The following HMGCLL1 variants were observed in gnomAD, a reference collection of about 807,000 sequenced individuals.
HMGCLL1 encodes 3-hydroxymethyl-3-methylglutaryl-CoA lyase, cytoplasmic.
In HMGCLL1, 36 loss-of-function variants were observed where a neutral mutation model predicts 39.1. The ratio of observed to expected loss-of-function variants is 0.92; its 90% CI spans 0.71 to 1.22. HMGCLL1 has a LOEUF of 1.22. Ranked by LOEUF, HMGCLL1 falls within the 50% of genes most tolerant of loss-of-function variation. The pLI is 0.00. For missense variants in HMGCLL1, 451 were observed against 416.5 expected (o/e 1.08, Z -0.72); for synonymous variants, 149 against 144.0 (o/e 1.03, Z -0.25).
chr6:55,558,219 CTTTA>C (rs1448813180), intron 1 of HMGCLL1, among the ~76,000 whole-genome samples: 3 of 152,136 alleles, frequency 2.0e-5, no homozygotes, highest in Non-Finnish European at 2.9e-5. Context: ...TTCTGTCAAA[CTTTA>C]TTTAACATAG....
the HMGCLL1 span, among the ~76,000 whole-genome samples, chr6:55,673,456 T>C: frequency 6.6e-6 from 1 of 151,870 alleles, no homozygotes; most frequent in Non-Finnish European, 1.5e-5. Flanking sequence ...TAAAGATAAC[T>C]GATGCAACAT....
the HMGCLL1 span, among the ~76,000 whole-genome samples, chr6:55,664,975 C>T: frequency 4.4e-4 from 67 of 151,744 alleles, no homozygotes; most frequent in Non-Finnish European, 7.5e-4. Flanking sequence ...TTCATGGTCT[C>T]TTTATGAACC....
the HMGCLL1 span, among the ~76,000 whole-genome samples, chr6:55,610,784 A>G: frequency 3.9e-5 from 6 of 152,212 alleles, no homozygotes; most frequent in African/African-American, 1.4e-4. Flanking sequence ...GCAGCCAAAG[A>G]GAAAGGCCTA....
chr6:55,632,133 C>T, the HMGCLL1 span, among the ~76,000 whole-genome samples: 1 of 152,066 alleles, frequency 6.6e-6, no homozygotes, highest in African/African-American at 2.4e-5. Context: ...CAGTGAAATG[C>T]TAACAACATT....
At chr6:55,582,313 C>G (rs1316870563), upstream of HMGCLL1, among the ~76,000 whole-genome samples, 1 of 152,124 alleles carries the variant, frequency 6.6e-6, no homozygotes, top group Non-Finnish European at 1.5e-5. Flanking sequence ...TGTAGGCAGC[C>G]AGCAAATGTT....
chr6:55,465,663 C>T (rs1030399180), intron 7 of HMGCLL1, among the ~76,000 whole-genome samples: 1 of 151,844 alleles, frequency 6.6e-6, no homozygotes, highest in Non-Finnish European at 1.5e-5. Flanking sequence ...TATTATAAGA[C>T]AGTGTTTAGT....
the HMGCLL1 span, among the ~76,000 whole-genome samples, chr6:55,603,450 T>C: frequency 2.0e-5 from 2 of 100,158 alleles, no homozygotes; most frequent in Non-Finnish European, 4.3e-5. Context: ...TATCTATTCA[T>C]ATCAGTTGTT....
the HMGCLL1 span, among the ~76,000 whole-genome samples, chr6:55,584,251 A>C: frequency 6.6e-6 from 1 of 152,104 alleles, no homozygotes; most frequent in East Asian, 1.9e-4. Context: ...TTGTTCCATA[A>C]TTTTCAATGT....
intron 1 of HMGCLL1, among the ~76,000 whole-genome samples, chr6:55,574,884 A>G (rs540563321): frequency 6.6e-6 from 1 of 152,148 alleles, no homozygotes; most frequent in Admixed American, 6.5e-5. Context: ...AACACAAAGG[A>G]TCAGAATCGA....
chr6:55,522,273 T>A (rs1338469683), intron 3 of HMGCLL1, among the ~76,000 whole-genome samples: 2 of 152,136 alleles, frequency 1.3e-5, no homozygotes, highest in East Asian at 3.9e-4. Context: ...CAAAAAGTTA[T>A]AGGGTGAAAT....
intron 7 of HMGCLL1, among the ~76,000 whole-genome samples, chr6:55,485,312 G>T (rs1581842536): frequency 6.6e-6 from 1 of 151,988 alleles, no homozygotes; most frequent in Admixed American, 6.6e-5. Context: ...AGGCGTGTGT[G>T]TGTGTGTTGG....
the HMGCLL1 span, among the ~76,000 whole-genome samples, chr6:55,666,225 A>C: frequency 4.0e-5 from 6 of 151,780 alleles, no homozygotes; most frequent in South Asian, 2.1e-4. Context: ...CCATGCAAAT[A>C]ATTTTATAAA....
chr6:55,607,653 C>T, the HMGCLL1 span, among the ~76,000 whole-genome samples: 1 of 152,172 alleles, frequency 6.6e-6, no homozygotes, highest in Admixed American at 6.5e-5. Flanking sequence ...ACCTAAAGCT[C>T]CGACTGGGGT....
the HMGCLL1 span, among the ~76,000 whole-genome samples, chr6:55,666,475 G>C: frequency 6.6e-6 from 1 of 151,240 alleles, no homozygotes; most frequent in East Asian, 1.9e-4. Context: ...CCCTTGCCAT[G>C]TCAAAGAAAA....
intron 1 of HMGCLL1, among the ~76,000 whole-genome samples, chr6:55,563,532 T>A (rs1261667421): frequency 6.6e-6 from 1 of 152,180 alleles, no homozygotes; most frequent in Non-Finnish European, 1.5e-5. Context: ...TTTTATAGTA[T>A]AATTCAGCCT....
At chr6:55,463,067 G>T (rs1420426857) in intron 7 of HMGCLL1, among the ~76,000 whole-genome samples, 2 of 137,976 alleles carry the variant, frequency 1.4e-5, no homozygotes, top group Non-Finnish European at 3.1e-5. Flanking sequence ...GTCTTGCTCT[G>T]TTGCCCAGGC....
At chr6:55,452,504 C>T (rs1054263071) in intron 7 of HMGCLL1, among the ~76,000 whole-genome samples, 3 of 152,138 alleles carry the variant, frequency 2.0e-5, no homozygotes, top group African/African-American at 7.2e-5. Context: ...TCAGTCCTTC[C>T]TGAGGTCCAG....
At chr6:55,622,515 A>G in the HMGCLL1 span, among the ~76,000 whole-genome samples, 2 of 152,008 alleles carry the variant, frequency 1.3e-5, no homozygotes, top group South Asian at 4.1e-4. Flanking sequence ...TTTTAGTATC[A>G]GTTGAGATGA....
intron 5 of HMGCLL1, among the ~76,000 whole-genome samples, chr6:55,510,316 A>G (rs1348523582): frequency 6.6e-6 from 1 of 151,960 alleles, no homozygotes; most frequent in Non-Finnish European, 1.5e-5. Context: ...ACTATAAATC[A>G]TGCTGCTATA....
Sources: gnomAD v4.1 joint callset for allele counts (sites outside exome capture counted in the v4.1 genomes callset) on GRCh38, gnomAD v4.1.1 for gene constraint, MANE v1.5 for transcripts, NCBI Gene and HGNC (gene_info 2026-07-23, HGNC 2026-07-21) for gene names.